The following CLVS1 variants were observed in gnomAD, a reference collection of about 807,000 sequenced individuals.
CLVS1 encodes the protein clavesin 1, also known as clavesin-1.
CLVS1 carries 10 observed loss-of-function variants against 33.1 expected under a neutral mutation model. The observed-to-expected ratio is 0.30, with a 90% CI of 0.19 to 0.51. The LOEUF is 0.51. Ranked by LOEUF, CLVS1 falls within the 20% of genes least tolerant of loss-of-function variation. The pLI is 0.97. For synonymous variants in CLVS1, 163 were observed against 166.1 expected (o/e 0.98, Z 0.14); for missense variants, 343 against 433.4 (o/e 0.79, Z 1.85).
chr8:61,379,308 G>T (rs1453677007), intron 3 of CLVS1, among the ~76,000 whole-genome samples: 1 of 152,152 alleles, frequency 6.6e-6, no homozygotes, highest in East Asian at 1.9e-4. Context: ...TATAGCATTT[G>T]TCTAGGATTA....
chr8:61,059,497 T>TACAC (rs1199915866), intron 1 of CLVS1, among the ~76,000 whole-genome samples: 1 of 100,712 alleles, frequency 9.9e-6, no homozygotes, highest in Non-Finnish European at 2.1e-5. Flanking sequence ...TATATATATA[T>TACAC]ATACACATAT....
At chr8:61,491,050 G>A (rs1007842955) in intron 5 of CLVS1, among the ~76,000 whole-genome samples, 6 of 152,270 alleles carry the variant, frequency 3.9e-5, no homozygotes, top group Non-Finnish European at 8.8e-5. Context: ...TTTAGGAAAG[G>A]CCAAACTTCT....
chr8:61,062,631 G>T (rs1804602219), intron 1 of CLVS1, among the ~76,000 whole-genome samples: 1 of 152,210 alleles, frequency 6.6e-6, no homozygotes, highest in Non-Finnish European at 1.5e-5. Context: ...TCTATGGCAG[G>T]ATCTGGCTGG....
rs145926869 is a variant in CLVS1, at chr8:61,429,566, A to G, written c.631-24575A>G. Reference sequence around the variant, plus strand: ...AGTCCTCCAGATCTAATCACCTCTTAAAGTTCCCACCTCTCAATGTCGTTG... The same window carrying G: ...AGTCCTCCAGATCTAATCACCTCTTGAAGTTCCCACCTCTCAATGTCGTTG... On this transcript the variant is annotated intron_variant, in intron 3 of 5. Transcript: ENST00000325897. 8.9e-3 allele frequency among the ~76,000 whole-genome samples: 1,357 copies of G among 152,242 alleles called. 14 individuals carry two copies. Among genetic ancestry groups the G allele is most frequent in the South Asian group, 0.039 (189 of 4,826 alleles).
intron 2 of CLVS1, among the ~76,000 whole-genome samples, chr8:61,228,092 T>C (rs1190327158): frequency 6.6e-6 from 1 of 152,238 alleles, no homozygotes; most frequent in Non-Finnish European, 1.5e-5. Context: ...GAAAGCCTGT[T>C]TTTAGGTTTC....
chr8:60,995,707 G>T, the CLVS1 span, among the ~76,000 whole-genome samples: 1 of 152,124 alleles, frequency 6.6e-6, no homozygotes, highest in Admixed American at 6.5e-5. Flanking sequence ...AAAGACACAC[G>T]CACACGTATG....
chr8:61,129,183 G>C (rs1388041975), intron 1 of CLVS1, among the ~76,000 whole-genome samples: 1 of 152,244 alleles, frequency 6.6e-6, no homozygotes, highest in Non-Finnish European at 1.5e-5. Context: ...TATGTGAAGA[G>C]TAACTCATGG....
intron 1 of CLVS1, among the ~76,000 whole-genome samples, chr8:61,100,816 A>C (rs1240767777): frequency 2.0e-5 from 3 of 152,172 alleles, no homozygotes; most frequent in Admixed American, 2.0e-4. Flanking sequence ...TTGGACATTT[A>C]ATATGGATAG....
chr8:61,185,225 G>T (rs11994709), intron 2 of CLVS1, among the ~76,000 whole-genome samples: 2 of 151,118 alleles, frequency 1.3e-5, no homozygotes, highest in African/African-American at 4.9e-5. Flanking sequence ...TGTCTGAAGC[G>T]TTGACCCCTG....
intron 2 of CLVS1, among the ~76,000 whole-genome samples, chr8:61,179,243 C>A (rs1807181566): frequency 6.6e-6 from 1 of 152,052 alleles, no homozygotes; most frequent in Admixed American, 6.5e-5. Flanking sequence ...TCAGAAAAGA[C>A]AAAGAAGGGC....
chr8:61,018,037 A>G, the CLVS1 span, among the ~76,000 whole-genome samples: 253 of 152,336 alleles, frequency 1.7e-3, 1 homozygote, highest in African/African-American at 5.8e-3. Context: ...AGGGAAGATG[A>G]AAAAAGGAAG....
intron 5 of CLVS1, among the ~76,000 whole-genome samples, chr8:61,477,604 C>A (rs1167722106): frequency 6.6e-6 from 1 of 152,198 alleles, no homozygotes; most frequent in Non-Finnish European, 1.5e-5. Flanking sequence ...TTATAGTATT[C>A]TCTGATGGTA....
intron 1 of CLVS1, among the ~76,000 whole-genome samples, chr8:61,107,714 C>T (rs1432503541): frequency 6.6e-6 from 1 of 152,230 alleles, no homozygotes; most frequent in Non-Finnish European, 1.5e-5. Flanking sequence ...TGTGTCTCCC[C>T]ATTGCGTTAC....
intron 2 of CLVS1, among the ~76,000 whole-genome samples, chr8:61,245,003 A>C (rs974236363): frequency 2.0e-5 from 3 of 152,162 alleles, no homozygotes; most frequent in Non-Finnish European, 4.4e-5. Flanking sequence ...ATAAATAATC[A>C]GAATTTTTAT....
chr8:61,486,238 GC>G (rs1371643949), intron 5 of CLVS1, among the ~76,000 whole-genome samples: 1 of 152,288 alleles, frequency 6.6e-6, no homozygotes, highest in East Asian at 1.9e-4. Context: ...TGGCATGTTT[GC>G]TTTTTGCTTA....
chr8:61,231,314 A>G (rs911823129), intron 2 of CLVS1, among the ~76,000 whole-genome samples: 1 of 151,016 alleles, frequency 6.6e-6, no homozygotes, highest in African/African-American at 2.5e-5. Context: ...ACACTCTAAT[A>G]TTAGGAAACA....
intron 1 of CLVS1, among the ~76,000 whole-genome samples, chr8:61,059,143 A>G (rs964527649): frequency 6.6e-6 from 1 of 151,928 alleles, no homozygotes; most frequent in Non-Finnish European, 1.5e-5. Flanking sequence ...TGATTGTGCC[A>G]TTTTTTTATT....
At chr8:61,134,631 C>T (rs996401780) in intron 2 of CLVS1, among the ~76,000 whole-genome samples, 1 of 152,138 alleles carries the variant, frequency 6.6e-6, no homozygotes, top group Admixed American at 6.5e-5. Context: ...CTTGCAGCTC[C>T]TTCTCCATCT....
intron 2 of CLVS1, among the ~76,000 whole-genome samples, chr8:61,209,322 A>G (rs895618696): frequency 6.6e-6 from 1 of 152,214 alleles, no homozygotes; most frequent in Non-Finnish European, 1.5e-5. Context: ...AATTGCCTCC[A>G]ACTTAGAGAG....
Sources: allele counts gnomAD v4.1 joint callset (sites outside exome capture counted in the v4.1 genomes callset), GRCh38; gene constraint gnomAD v4.1.1; transcripts MANE v1.5; gene names NCBI Gene and HGNC (gene_info 2026-07-23, HGNC 2026-07-21).